Variants in LPP observed in about 807,000 individuals in gnomAD.
LPP encodes LIM domain containing preferred translocation partner in lipoma.
In LPP, 38 loss-of-function variants were observed where a neutral mutation model predicts 60.4. The observed-to-expected ratio is 0.63, with a 90% confidence interval of 0.49 to 0.83. The LOEUF (loss-of-function observed/expected upper bound fraction) is 0.83, where lower values mean the gene tolerates loss of function less well. LPP is among the 40% of genes least tolerant of loss of function. LPP has a pLI of 0.00. For missense variants in LPP, 902 were observed against 783.6 expected, an observed-to-expected ratio of 1.15 and a Z score of -1.80; for synonymous variants, 328 against 290.8, an observed-to-expected ratio of 1.13 and a Z score of -1.30.
At chr3:188,338,829 A>G (rs565282157) in intron 2 of LPP, among the ~76,000 whole-genome samples, 4 of 152,308 alleles carry the variant, frequency 2.6e-5, no homozygotes, top group East Asian at 1.9e-4. Flanking sequence ...ATTTTTGTTC[A>G]TAATACTAAG....
chr3:188,781,371 G>T (rs73888896), intron 9 of LPP, among the ~76,000 whole-genome samples: 4,491 of 152,126 alleles, frequency 0.03, 199 homozygotes, highest in African/African-American at 0.1. Context: ...GACTTATAGT[G>T]GTCTTTCCAA....
At chr3:188,556,572 C>T (rs770487393) in intron 6 of LPP, among the ~76,000 whole-genome samples, 32 of 151,896 alleles carry the variant, frequency 2.1e-4, no homozygotes, top group Non-Finnish European at 4.1e-4. Context: ...TAGAGTTGTG[C>T]TTGAGTCGGT....
chr3:188,345,667 CT>C (rs1275581398), intron 3 of LPP, among the ~76,000 whole-genome samples: 2 of 152,208 alleles, frequency 1.3e-5, no homozygotes, highest in East Asian at 3.9e-4. Flanking sequence ...ATTTCAGACC[CT>C]TCTGCCTTAT....
At chr3:188,340,099 A>G (rs184129714) in intron 2 of LPP, among the ~76,000 whole-genome samples, 1 of 152,318 alleles carries the variant, frequency 6.6e-6, no homozygotes, top group Admixed American at 6.5e-5. Context: ...CCCTCTTCAA[A>G]TAGCAATTGG....
At position 188,484,610 on chromosome 3, in the gene LPP, C is replaced by T. The variant is rs768768896; in HGVS notation, c.212C>T (p.Pro71Leu). 2 of 1,613,400 alleles carry T rather than the reference C, an allele frequency of 1.2e-6. No individual in the cohort carries two copies. The highest frequency in any genetic ancestry group is 1.7e-5 in the Admixed American group (1 of 59,996). Residue 71 changes from proline (P) to leucine (L), a missense_variant, in exon 5 of 12, where the codon CCA becomes CTA. Physicochemically the swap from Pro to Leu is moderately conservative, Grantham distance 98. Coordinates refer to ENST00000617246, the MANE Select transcript of LPP (RefSeq NM_001375462.1). ...PGGEGDFLPPPPPPLDDSSAL... is the reference protein window; with the variant it reads ...PGGEGDFLPPLPPPLDDSSAL... ...TCTGTAGGTGATTTTCTTCCACCCCCACCTCCACCTCTAGATGATTCCAGT... is the reference window on the plus strand; with the variant it reads ...TCTGTAGGTGATTTTCTTCCACCCCTACCTCCACCTCTAGATGATTCCAGT...
chr3:188,766,240 T>C lies in LPP; in HGVS notation c.1410+5958T>C, dbSNP rs542988018. Reference sequence around the variant, plus strand: ...TCAGATTTAAAATCAGGTATAATTATAGCCTTTTCCCAGAAAATTTTAATT... The same window carrying C: ...TCAGATTTAAAATCAGGTATAATTACAGCCTTTTCCCAGAAAATTTTAATT... On this transcript the variant is annotated intron_variant, in intron 9 of 11. Transcript: ENST00000617246. Among the ~76,000 whole-genome samples, 85 of 152,134 alleles carry C rather than the reference T, an allele frequency of 5.6e-4. 1 individual carries two copies. The South Asian group carries it at 0.017, about 30-fold the overall frequency.
intron 2 of LPP, among the ~76,000 whole-genome samples, chr3:188,305,886 T>G (rs374181322): frequency 6.6e-6 from 1 of 152,012 alleles, no homozygotes; most frequent in Non-Finnish European, 1.5e-5. Context: ...TGTTGTTGTC[T>G]TCAATAGTTT....
At chr3:188,745,935 A>G (rs920048400) in intron 8 of LPP, among the ~76,000 whole-genome samples, 5 of 152,152 alleles carry the variant, frequency 3.3e-5, no homozygotes, top group African/African-American at 1.2e-4. Flanking sequence ...ACAGCTATAC[A>G]TGGTAGAGCC....
rs1249605193 is a variant in LPP, at chr3:188,887,560, C to T, written c.*13081C>T. The T allele has an allele frequency of 4.6e-6, 1 of 215,716 alleles. No homozygotes were observed. The highest frequency in any genetic ancestry group is 9.3e-6 in the Non-Finnish European group (1 of 107,086). The allele number at this position is 215,716 out of a possible 1,614,324, so 13.4% of individuals were successfully genotyped here. On this transcript the variant is annotated 3_prime_UTR_variant, in exon 12 of 12. Transcript: ENST00000617246. ...GGGCAGAGTTTGCATTTTACTAATC[C>T]TATATACTTTGAGCTTAGTTTTTAG...
intron 6 of LPP, among the ~76,000 whole-genome samples, chr3:188,607,396 T>G (rs1303744174): frequency 9.7e-5 from 3 of 30,850 alleles, no homozygotes; most frequent in South Asian, 1.8e-3. Flanking sequence ...TATATATATA[T>G]ATATATATAT....
At chr3:188,321,003 TC>T (rs1167333172) in intron 2 of LPP, among the ~76,000 whole-genome samples, 2 of 152,198 alleles carry the variant, frequency 1.3e-5, no homozygotes, top group Non-Finnish European at 2.9e-5. Flanking sequence ...ATTTTCCTCA[TC>T]CTCACATATA....
In LPP at chr3:188,210,645, A is replaced by G. The variant is rs745420269; in HGVS notation, c.-189-14760A>G. On this transcript the variant is annotated intron_variant, in intron 1 of 11. Transcript: ENST00000617246. ...ATGTGGATGTGGAAACTGATCTCCA[A>G]ATGTTTGCAAGATGGAGGGTACGTT... Among the ~76,000 whole-genome samples, 4 of 152,232 alleles carry G rather than the reference A, an allele frequency of 2.6e-5. No individual in the cohort carries two copies. The South Asian group carries it at 8.3e-4, about 32-fold the overall frequency.
At chr3:188,760,428 G>GTGT in intron 9 of LPP, 146 bp downstream of exon 9, 1 of 728,328 alleles carries the variant, frequency 1.4e-6, no homozygotes, top group South Asian at 1.8e-5. Flanking sequence ...GTGTGTGTGT[G>GTGT]TGTGTGTGCG....
intron 2 of LPP, among the ~76,000 whole-genome samples, chr3:188,246,797 T>A (rs1466374112): frequency 6.6e-6 from 1 of 152,320 alleles, no homozygotes; most frequent in African/African-American, 2.4e-5. Context: ...AATAGGGAAA[T>A]GGAGGCTTAG....
At chr3:188,186,876 A>G (rs543306886) in intron 1 of LPP, among the ~76,000 whole-genome samples, 23 of 152,244 alleles carry the variant, frequency 1.5e-4, no homozygotes, top group Admixed American at 1.2e-3. Context: ...TTTATATCCA[A>G]TTGGTCCTTC....
chr3:188,503,495 G>A lies in LPP; in HGVS notation c.306+18791G>A, dbSNP rs559644429. Reference sequence around the variant, plus strand: ...TACAATGATGTTAGCTCTTATAAGCGTCTGCCTATTTGCCTTTTCTGACAT... The same window carrying A: ...TACAATGATGTTAGCTCTTATAAGCATCTGCCTATTTGCCTTTTCTGACAT... On this transcript the variant is annotated intron_variant, in intron 5 of 11. Coordinates refer to ENST00000617246, the MANE Select transcript of LPP (RefSeq NM_001375462.1). Among the ~76,000 whole-genome samples, 46 of 152,192 alleles carry A rather than the reference G, an allele frequency of 3.0e-4. 1 individual carries two copies. The highest frequency in any genetic ancestry group is 1.0e-3 in the African/African-American group (42 of 41,532).
At chr3:188,471,771 T>G (rs1801905909) in intron 4 of LPP, among the ~76,000 whole-genome samples, 1 of 152,176 alleles carries the variant, frequency 6.6e-6, no homozygotes, top group African/African-American at 2.4e-5. Flanking sequence ...TAGAATTGCT[T>G]TTTTAATGTA....
chr3:188,230,727 C>T (rs1183403546), intron 2 of LPP, among the ~76,000 whole-genome samples: 1 of 150,418 alleles, frequency 6.6e-6, no homozygotes, highest in African/African-American at 2.5e-5. Context: ...GAGCCGAGAT[C>T]GCACCATTGC....
intron 2 of LPP, among the ~76,000 whole-genome samples, chr3:188,232,441 C>T (rs753710144): frequency 5.3e-5 from 8 of 151,036 alleles, no homozygotes; most frequent in Non-Finnish European, 7.4e-5. Context: ...AAGGTTCAAG[C>T]GATTCTCCTG....
Sources: allele counts gnomAD v4.1 joint callset (sites outside exome capture counted in the v4.1 genomes callset), GRCh38; gene constraint gnomAD v4.1.1; transcripts MANE v1.5; gene names NCBI Gene and HGNC (gene_info 2026-07-23, HGNC 2026-07-21).